Variants in MGAT5 observed in about 807,000 individuals in gnomAD.
The protein encoded by MGAT5 is alpha-1,6-mannosylglycoprotein 6-beta-N-acetylglucosaminyltransferase A.
Under a neutral mutation model 94.3 loss-of-function variants are expected in MGAT5, and 30 were observed. The observed-to-expected ratio is 0.32, with a 90% CI of 0.24 to 0.43. The LOEUF (loss-of-function observed/expected upper bound fraction) is 0.43. Ranked by LOEUF, MGAT5 falls within the 20% of genes least tolerant of loss-of-function variation. The pLI, the probability that MGAT5 is intolerant of heterozygous loss-of-function variation, is 1.00. For synonymous variants in MGAT5, 310 were observed against 322.9 expected, an observed-to-expected ratio of 0.96 and a Z score of 0.43; for missense variants, 691 against 905.5, an observed-to-expected ratio of 0.76 and a Z score of 3.04.
intron 1 of MGAT5, among the ~76,000 whole-genome samples, chr2:134,201,816 CTTTTTTTTTTTTTTTT>C (rs554227745): frequency 1.5e-5 from 1 of 67,876 alleles, no homozygotes; most frequent in Non-Finnish European, 2.8e-5. Flanking sequence ...CCAAGCGCTG[CTTTTTTTTTTTTTTTT>C]TTTTTTTTTT....
At chr2:134,120,393 CG>C in intron 1 of MGAT5, 1 of 360,902 alleles carries the variant, frequency 2.8e-6, no homozygotes, top group Non-Finnish European at 5.0e-6. Context: ...GAACCAGGCG[CG>C]GGCGAGGAGA....
At chr2:134,273,601 A>G (rs1367153751) in intron 2 of MGAT5, among the ~76,000 whole-genome samples, 2 of 148,382 alleles carry the variant, frequency 1.3e-5, no homozygotes, top group East Asian at 2.0e-4. Context: ...CCCTAAATTT[A>G]TTTTCTTTAG....
intron 1 of MGAT5, among the ~76,000 whole-genome samples, chr2:134,175,342 T>C (rs1688410746): frequency 6.6e-6 from 1 of 152,216 alleles, no homozygotes; most frequent in Admixed American, 6.5e-5. Flanking sequence ...CTTATTAACT[T>C]TGGAAGATAT....
chr2:134,166,397 A>G (rs545616740), intron 1 of MGAT5, among the ~76,000 whole-genome samples: 18 of 152,366 alleles, frequency 1.2e-4, no homozygotes, highest in African/African-American at 4.1e-4. Context: ...TGGAGTTTAC[A>G]GCTTAAACAT....
At position 134,168,936 on chromosome 2, in the gene MGAT5, A is replaced by C. The variant is rs573211798; in HGVS notation, c.-143+48645A>C. ...AGGTTGACCCCTTGAGAAGGGATCAACCTGACAGGTTCCAGTGCTGAGGGT... is the reference window on the plus strand; with the variant it reads ...AGGTTGACCCCTTGAGAAGGGATCACCCTGACAGGTTCCAGTGCTGAGGGT... On this transcript the variant is annotated intron_variant, in intron 1 of 16. Coordinates refer to the MGAT5 transcript ENST00000409645. 9.9e-5 allele frequency among the ~76,000 whole-genome samples: 15 copies of C among 152,078 alleles called. No individual in the cohort carries two copies. The South Asian group carries it at 3.1e-3, about 32-fold the overall frequency.
intron 4 of MGAT5, among the ~76,000 whole-genome samples, chr2:134,328,630 A>G (rs1008864918): frequency 4.6e-5 from 7 of 152,014 alleles, no homozygotes; most frequent in Non-Finnish European, 8.8e-5. Flanking sequence ...AACAAATACT[A>G]ATTGGACATT....
chr2:134,200,073 G>A (rs974171586), intron 1 of MGAT5, among the ~76,000 whole-genome samples: 4 of 152,092 alleles, frequency 2.6e-5, no homozygotes, highest in East Asian at 3.9e-4. Flanking sequence ...AATTAATTAC[G>A]TGCAGATAGT....
chr2:134,433,330 T>C (rs149846091), intron 14 of MGAT5, among the ~76,000 whole-genome samples: 26 of 152,372 alleles, frequency 1.7e-4, no homozygotes, highest in African/African-American at 6.0e-4. Flanking sequence ...TTTTGACTAA[T>C]GTGGTAGGTG....
At chr2:134,441,734 C>T (rs745750532) in intron 14 of MGAT5, 24 bp from the exon 15 acceptor site, 68 of 1,597,730 alleles carry the variant, frequency 4.3e-5, no homozygotes, top group Middle Eastern at 1.7e-4. Flanking sequence ...GGACCTGTGG[C>T]TGATGGCTTC....
chr2:134,450,686 G>T lies in MGAT5; in HGVS notation c.*1839G>T, dbSNP rs1468457258. The T allele has an allele frequency of 6.6e-6, 1 of 152,198 alleles. No homozygotes were observed. Among genetic ancestry groups the T allele is most frequent in the Non-Finnish European group, 1.5e-5 (1 of 68,134 alleles). 9.4% of individuals were successfully genotyped at this position (152,198 alleles called of 1,614,324 possible). A position where few individuals can be genotyped will look rare whatever the true frequency, so the allele number is the denominator to read the frequency against. ...AGTACCATGGGGAGGCCTCTGCCCT[G>T]AGCATCATCACAGGGGCGCCTCCAG... On this transcript the variant is annotated 3_prime_UTR_variant, in exon 16 of 16. Coordinates refer to ENST00000281923, the MANE Select transcript of MGAT5 (RefSeq NM_002410.5).
At chr2:134,288,286 C>T (rs945025564) in intron 2 of MGAT5, among the ~76,000 whole-genome samples, 9 of 152,204 alleles carry the variant, frequency 5.9e-5, no homozygotes, top group African/African-American at 2.2e-4. Context: ...CTGTTTCTGC[C>T]TGTTTCAAGT....
At chr2:134,154,858 G>C (rs1046193016) in intron 1 of MGAT5, among the ~76,000 whole-genome samples, 1 of 152,198 alleles carries the variant, frequency 6.6e-6, no homozygotes, top group African/African-American at 2.4e-5. Flanking sequence ...TTGTATCTGA[G>C]TTTGAATCTG....
chr2:134,438,268 C>T (rs1280693675), intron 14 of MGAT5, among the ~76,000 whole-genome samples: 1 of 152,090 alleles, frequency 6.6e-6, no homozygotes, highest in Non-Finnish European at 1.5e-5. Flanking sequence ...TCAAAGATAG[C>T]TTATTATATA....
intron 4 of MGAT5, among the ~76,000 whole-genome samples, chr2:134,327,490 A>G (rs1687707877): frequency 6.6e-6 from 1 of 152,120 alleles, no homozygotes; most frequent in African/African-American, 2.4e-5. Context: ...AAAGGCTACT[A>G]AGTGACTAAT....
chr2:134,389,393 C>A (rs1682256140), intron 10 of MGAT5, among the ~76,000 whole-genome samples: 1 of 152,200 alleles, frequency 6.6e-6, no homozygotes, highest in African/African-American at 2.4e-5. Context: ...TAGACAACAT[C>A]TGCACTAAGC....
At position 134,452,843 on chromosome 2, in the gene MGAT5, T is replaced by A. The variant is rs1686175216; in HGVS notation, c.*3996T>A. On this transcript the variant is annotated 3_prime_UTR_variant, in exon 16 of 16. Transcript: ENST00000281923. ...GAGCTGCAGAGCATCTTCATGTGAGTAGACGGATGGACATAAATAGATTCA... is the reference window on the plus strand; with the variant it reads ...GAGCTGCAGAGCATCTTCATGTGAGAAGACGGATGGACATAAATAGATTCA... 1 of 152,256 alleles carries A rather than the reference T, an allele frequency of 6.6e-6. No individual in the cohort carries two copies. Among genetic ancestry groups the A allele is most frequent in the Admixed American group, 6.5e-5 (1 of 15,290 alleles). 9.4% of individuals were successfully genotyped at this position (152,256 alleles called of 1,614,324 possible). A position where few individuals can be genotyped will look rare whatever the true frequency, so the allele number is the denominator to read the frequency against.
intron 1 of MGAT5, among the ~76,000 whole-genome samples, chr2:134,192,236 G>T (rs985219718): frequency 6.6e-6 from 1 of 152,080 alleles, no homozygotes; most frequent in Non-Finnish European, 1.5e-5. Context: ...GAAAGGGTGG[G>T]TTTGGCTCCC....
intron 9 of MGAT5, among the ~76,000 whole-genome samples, chr2:134,352,217 A>C (rs1366752884): frequency 6.6e-6 from 1 of 152,180 alleles, no homozygotes; most frequent in Non-Finnish European, 1.5e-5. Context: ...TATCCCAAAG[A>C]TAATGAGCAA....
At chr2:134,194,466 C>T (rs993186700) in intron 1 of MGAT5, among the ~76,000 whole-genome samples, 4 of 151,810 alleles carry the variant, frequency 2.6e-5, no homozygotes, top group East Asian at 1.9e-4. Flanking sequence ...TACAAGGGGG[C>T]GGAGGGTGGA....
Sources: allele counts gnomAD v4.1 joint callset (sites outside exome capture counted in the v4.1 genomes callset), GRCh38; gene constraint gnomAD v4.1.1; transcripts MANE v1.5; gene names NCBI Gene and HGNC (gene_info 2026-07-23, HGNC 2026-07-21).